UBE2H: variants seen among roughly 807,000 people sequenced by gnomAD.
UBE2H encodes ubiquitin-conjugating enzyme E2 H.
A neutral mutation model predicts 29.0 loss-of-function variants in UBE2H; 3 were observed. The observed-to-expected ratio is 0.10, with a 90% CI of 0.05 to 0.27. The LOEUF is 0.27. Ranked by LOEUF, UBE2H falls within the 10% of genes least tolerant of loss-of-function variation. The pLI, the probability that UBE2H is intolerant of heterozygous loss-of-function variation, is 1.00. For missense variants in UBE2H, 68 were observed against 228.2 expected (o/e 0.30, Z 4.52); for synonymous variants, 69 against 82.9 (o/e 0.83, Z 0.91).
chr7:129,928,560 A>G (rs2116487321), intron 1 of UBE2H, among the ~76,000 whole-genome samples: 1 of 152,308 alleles, frequency 6.6e-6, no homozygotes, highest in South Asian at 2.1e-4. Context: ...CCGAGATTGC[A>G]CCAATGCACT....
chr7:129,938,452 T>A (rs2116511332), intron 1 of UBE2H, among the ~76,000 whole-genome samples: 1 of 130,516 alleles, frequency 7.7e-6, no homozygotes, highest in East Asian at 2.4e-4. Context: ...GGCTGGCTCA[T>A]GCTTGCAATC....
At chr7:129,893,081 T>A (rs1806529760) in intron 1 of UBE2H, among the ~76,000 whole-genome samples, 2 of 152,176 alleles carry the variant, frequency 1.3e-5, no homozygotes, top group Admixed American at 1.3e-4. Flanking sequence ...CCCATTATCT[T>A]AGGAGTAAAG....
chr7:129,875,056 G>C (rs1806120242), intron 3 of UBE2H, among the ~76,000 whole-genome samples: 1 of 152,196 alleles, frequency 6.6e-6, no homozygotes, highest in Non-Finnish European at 1.5e-5. Context: ...TAGAGCAAAA[G>C]ACAGCAAAGT....
At chr7:129,910,251 C>T (rs1182698142) in intron 1 of UBE2H, among the ~76,000 whole-genome samples, 1 of 151,858 alleles carries the variant, frequency 6.6e-6, no homozygotes, top group Non-Finnish European at 1.5e-5. Context: ...GTCGCTTGAA[C>T]CCTGGAGGTG....
At chr7:129,892,984 A>T (rs1307334230) in intron 1 of UBE2H, among the ~76,000 whole-genome samples, 1 of 152,228 alleles carries the variant, frequency 6.6e-6, no homozygotes, top group Non-Finnish European at 1.5e-5. Context: ...TCACTTATTT[A>T]AAAATAGCCA....
chr7:129,864,200 C>CA (rs1415837830), intron 3 of UBE2H, among the ~76,000 whole-genome samples: 2 of 152,154 alleles, frequency 1.3e-5, no homozygotes, highest in Non-Finnish European at 2.9e-5. Flanking sequence ...CTGGCAAAGC[C>CA]ATTTACATTC....
intron 6 of UBE2H, 102 bp from the exon 7 acceptor site, chr7:129,835,163 T>C: frequency 6.6e-7 from 1 of 1,514,662 alleles, no homozygotes; most frequent in Non-Finnish European, 9.0e-7. Context: ...AAACTTACCT[T>C]GAACACCAGG....
chr7:129,910,195 G>A lies in UBE2H; in HGVS notation c.54-29224C>T, dbSNP rs144059272. Among the ~76,000 whole-genome samples, 1,495 of 152,206 alleles carry A rather than the reference G, an allele frequency of 9.8e-3. 12 individuals are homozygous for A. The highest frequency in any genetic ancestry group is 0.014 in the Non-Finnish European group (966 of 68,020). On this transcript the variant is annotated intron_variant, in intron 1 of 6. Transcript: ENST00000355621. ...AATACAAAAATTAGCCGAGTGTGGT[G>A]GCAGGCACCTGTAATCCCAGCTACT...
intron 5 of UBE2H, among the ~76,000 whole-genome samples, chr7:129,851,497 T>C (rs1044057556): frequency 6.6e-6 from 1 of 152,226 alleles, no homozygotes; most frequent in African/African-American, 2.4e-5. Context: ...GGTAACTTCC[T>C]GCAATTACAA....
intron 1 of UBE2H, among the ~76,000 whole-genome samples, chr7:129,946,076 G>T (rs1160136485): frequency 6.9e-6 from 1 of 145,688 alleles, no homozygotes; most frequent in East Asian, 2.0e-4. Flanking sequence ...TTTTTGAGAC[G>T]AAGTCTCACT....
At chr7:129,906,208 C>CTTT (rs1279357818) in intron 1 of UBE2H, among the ~76,000 whole-genome samples, 2 of 142,504 alleles carry the variant, frequency 1.4e-5, no homozygotes, top group Non-Finnish European at 1.5e-5. Flanking sequence ...ATTTTTTTTT[C>CTTT]TTTCTTTTTT....
chr7:129,949,150 C>T, intron 1 of UBE2H: 1 of 364,406 alleles, frequency 2.7e-6, no homozygotes, highest in South Asian at 2.0e-5. Flanking sequence ...CAGGGTGAGA[C>T]GAGTAACCCC....
chr7:129,952,657 G>A lies in UBE2H; in HGVS notation c.-102C>T. ...CCGCGCCGGCTCCTCGGTGGAGGTG[G>A]CAACACCCCCGCGGTCCCGGCGGTC... is the stretch of plus-strand genomic sequence containing the variant. On this transcript the variant is annotated 5_prime_UTR_variant, in exon 1 of 7. Coordinates refer to ENST00000355621, the MANE Select transcript of UBE2H (RefSeq NM_003344.4). The A allele has an allele frequency of 2.8e-6, 4 of 1,418,228 alleles. No homozygotes were observed. Among genetic ancestry groups the A allele is most frequent in the Admixed American group, 2.2e-5 (1 of 45,642 alleles). 87.9% of individuals were successfully genotyped at this position (1,418,228 alleles called of 1,614,324 possible).
At chr7:129,927,852 A>G (rs12537150) in intron 1 of UBE2H, among the ~76,000 whole-genome samples, 9,454 of 152,020 alleles carry the variant, frequency 0.062, 363 homozygotes, top group Non-Finnish European at 0.091. Context: ...CAAATTACAG[A>G]TAGATAAGAG....
At chr7:129,940,793 T>A (rs1207030599) in intron 1 of UBE2H, among the ~76,000 whole-genome samples, 1 of 152,096 alleles carries the variant, frequency 6.6e-6, no homozygotes, top group Non-Finnish European at 1.5e-5. Context: ...AGAGAAGAAA[T>A]TACAATAACC....
intron 1 of UBE2H, among the ~76,000 whole-genome samples, chr7:129,932,862 A>G (rs1807438951): frequency 1.3e-5 from 2 of 151,946 alleles, no homozygotes; most frequent in Non-Finnish European, 2.9e-5. Context: ...CACATAATGA[A>G]TCAATATTAC....
intron 3 of UBE2H, among the ~76,000 whole-genome samples, chr7:129,868,942 T>C (rs868421464): frequency 6.0e-5 from 9 of 151,208 alleles, no homozygotes; most frequent in Admixed American, 2.6e-4. Context: ...TCTCTTTTTT[T>C]TTTTTTTTTT....
intron 3 of UBE2H, among the ~76,000 whole-genome samples, chr7:129,863,974 G>A (rs977608479): frequency 5.3e-5 from 8 of 151,820 alleles, no homozygotes; most frequent in African/African-American, 1.5e-4. Context: ...GTATTTTTTC[G>A]TAGAGATAGG....
intron 3 of UBE2H, among the ~76,000 whole-genome samples, chr7:129,871,758 T>C (rs542319262): frequency 6.6e-6 from 1 of 151,822 alleles, no homozygotes; most frequent in African/African-American, 2.4e-5. Context: ...GTAGCCATTA[T>C]GTAACTGTTT....
Sources: allele counts gnomAD v4.1 joint callset (sites outside exome capture counted in the v4.1 genomes callset), GRCh38; gene constraint gnomAD v4.1.1; transcripts MANE v1.5; gene names NCBI Gene and HGNC (gene_info 2026-07-23, HGNC 2026-07-21).